GPNMB: variants seen among roughly 807,000 people sequenced by gnomAD.
GPNMB encodes transmembrane glycoprotein NMB.
A neutral mutation model predicts 57.3 loss-of-function variants in GPNMB; 71 were observed. The ratio of observed to expected loss-of-function variants is 1.24; its 90% CI spans 1.02 to 1.51. The LOEUF (loss-of-function observed/expected upper bound fraction) is 1.51. Ranked by LOEUF, GPNMB falls within the 40% of genes most tolerant of loss-of-function variation. The pLI, the probability that GPNMB is intolerant of heterozygous loss-of-function variation, is 0.00. For missense variants in GPNMB, 677 were observed against 691.9 expected, an observed-to-expected ratio of 0.98 and a Z score of 0.24; for synonymous variants, 253 against 263.2, an observed-to-expected ratio of 0.96 and a Z score of 0.38.
At chr7:23,261,044 C>A (rs1458884511) in intron 6 of GPNMB, among the ~76,000 whole-genome samples, 2 of 152,132 alleles carry the variant, frequency 1.3e-5, no homozygotes, top group Non-Finnish European at 2.9e-5. Context: ...CTGGTCCCTG[C>A]TATGTGTACA....
At chr7:23,253,151 G>A (rs1782696306) in intron 1 of GPNMB, among the ~76,000 whole-genome samples, 156 bp from the exon 2 acceptor site, 2 of 152,152 alleles carry the variant, frequency 1.3e-5, no homozygotes, top group African/African-American at 4.8e-5. Flanking sequence ...GGTATTTCCA[G>A]GAGACTTCCT....
chr7:23,260,706 T>G lies in GPNMB; in HGVS notation c.951T>G (p.Ala317=). ...TCAGCCTTAACCTCACTGTGAAAGC[T>G]GCAGCACCAGGACCTTGTCCGCCAC... The part of the protein sequence containing the change: ...GTFSLNLTVK[A]AAPGPCPPPP... Residue 317 remains alanine (A), a synonymous_variant, in exon 6 of 11, where the codon GCT becomes GCG. Transcript: ENST00000258733. 1 of 1,608,466 alleles carries G rather than the reference T, an allele frequency of 6.2e-7. No individual in the cohort carries two copies. Among genetic ancestry groups the G allele is most frequent in the Non-Finnish European group, 8.5e-7 (1 of 1,176,040 alleles).
intron 6 of GPNMB, 88 bp downstream of exon 6, chr7:23,260,861 G>A (rs1415310493): frequency 8.3e-6 from 9 of 1,085,890 alleles, no homozygotes; most frequent in South Asian, 3.7e-5. Context: ...CCTCCTTAAG[G>A]GGATATTGTA....
intron 5 of GPNMB, 56 bp downstream of exon 5, chr7:23,260,194 G>A: frequency 6.3e-7 from 1 of 1,580,346 alleles, no homozygotes; most frequent in Non-Finnish European, 8.7e-7. Context: ...TGACGTCAAT[G>A]GGTTAAAAAA....
intron 6 of GPNMB, among the ~76,000 whole-genome samples, chr7:23,263,675 G>A (rs1281333161): frequency 2.7e-5 from 4 of 149,992 alleles, no homozygotes; most frequent in African/African-American, 7.4e-5. Flanking sequence ...GTTTTATTGC[G>A]AAGGAAAGCT....
At chr7:23,261,905 A>T (rs1782934233) in intron 6 of GPNMB, among the ~76,000 whole-genome samples, 1 of 152,202 alleles carries the variant, frequency 6.6e-6, no homozygotes, top group Non-Finnish European at 1.5e-5. Flanking sequence ...CACTTTGGGT[A>T]GCACTGGCTT....
At chr7:23,248,422 A>C (rs1287375605) in intron 1 of GPNMB, among the ~76,000 whole-genome samples, 1 of 152,236 alleles carries the variant, frequency 6.6e-6, no homozygotes, top group African/African-American at 2.4e-5. Context: ...AGGAGTCCTC[A>C]GCCTCTTGGG....
chr7:23,257,961 GA>G (rs1209133339), intron 4 of GPNMB: 2 of 152,056 alleles, frequency 1.3e-5, no homozygotes, highest in South Asian at 2.1e-4. Flanking sequence ...TTGATGATAT[GA>G]TTTTTTTAAT....
chr7:23,252,701 C>G (rs953762617), intron 1 of GPNMB, among the ~76,000 whole-genome samples: 2 of 152,054 alleles, frequency 1.3e-5, no homozygotes, highest in Non-Finnish European at 2.9e-5. Context: ...ACTCAAATAA[C>G]AAGTAGAAAA....
chr7:23,260,747 G>C lies in GPNMB; in HGVS notation c.992G>C (p.Arg331Thr), dbSNP rs757819921. Residue 331 changes from arginine (R) to threonine (T), a missense_variant, in exon 6 of 11, where the codon AGA becomes ACA. Physicochemically the swap from Arg to Thr is moderately conservative, Grantham distance 71. Coordinates refer to ENST00000258733, the MANE Select transcript of GPNMB (RefSeq NM_002510.3). ...GPCPPPPPPP[R>T]PSKPTPSLGP... ...TGTCCGCCACCGCCACCACCACCCAGACCTTCAAAACCCACCCCTTCTTTA... is the reference window on the plus strand; with the variant it reads ...TGTCCGCCACCGCCACCACCACCCACACCTTCAAAACCCACCCCTTCTTTA... 2 of 1,569,810 alleles carry C rather than the reference G, an allele frequency of 1.3e-6. No individual in the cohort carries two copies. The highest frequency in any genetic ancestry group is 1.7e-6 in the Non-Finnish European group (2 of 1,157,126).
chr7:23,259,030 G>C (rs1269398625), intron 4 of GPNMB, among the ~76,000 whole-genome samples: 1 of 152,196 alleles, frequency 6.6e-6, no homozygotes, highest in African/African-American at 2.4e-5. Context: ...AAATGTCCTT[G>C]AGCCCTGAAG....
intron 9 of GPNMB, 90 bp from the exon 10 acceptor site, chr7:23,273,431 G>A (rs1474016906): frequency 1.6e-5 from 13 of 794,652 alleles, no homozygotes; most frequent in Non-Finnish European, 6.5e-6. Context: ...CTTCTGTGAC[G>A]GCTCCCTTCC....
Position 23,274,154 on chromosome 7 carries a change from C to A in GPNMB, c.1613C>A (p.Ala538Asp). Residue 538 changes from alanine (A) to aspartate (D), a missense_variant, in exon 11 of 11, where the codon GCC becomes GAC. Coordinates refer to ENST00000258733, the MANE Select transcript of GPNMB (RefSeq NM_002510.3). ...AGTGTCTTTCTCAACCGTGCAAAAGCCGTGTTCTTCCCGGGAAACCAGGAA... is the reference window on the plus strand; with the variant it reads ...AGTGTCTTTCTCAACCGTGCAAAAGACGTGTTCTTCCCGGGAAACCAGGAA... ...GLSVFLNRAK[A>D]VFFPGNQEKD... 1 of 1,613,792 alleles carries A rather than the reference C, an allele frequency of 6.2e-7. No individual in the cohort carries two copies. The highest frequency in any genetic ancestry group is 1.3e-5 in the African/African-American group (1 of 75,012).
Position 23,253,463 on chromosome 7 carries a change from A to T in GPNMB, c.223+4A>T, listed in dbSNP as rs2128481281. The T allele has an allele frequency of 3.1e-6, 5 of 1,612,660 alleles. No homozygotes were observed. The South Asian group carries it at 5.5e-5, about 18-fold the overall frequency. ...AGGTGGAAAAACTCCTGGAAGGGTA[A>T]GTCAAAAGATTCAAACCAAACACCT... is the stretch of plus-strand genomic sequence containing the variant. On this transcript the variant is annotated splice_donor_region_variant and intron_variant, in intron 2 of 10. Coordinates refer to ENST00000258733, the MANE Select transcript of GPNMB (RefSeq NM_002510.3).
At chr7:23,253,794 G>T (rs2128481362) in intron 2 of GPNMB, among the ~76,000 whole-genome samples, 1 of 152,228 alleles carries the variant, frequency 6.6e-6, no homozygotes, top group African/African-American at 2.4e-5. Flanking sequence ...CTGTCTCAAA[G>T]GTGTGGCTTA....
At chr7:23,270,429 T>C (rs1783174838) in intron 9 of GPNMB, among the ~76,000 whole-genome samples, 2 of 152,206 alleles carry the variant, frequency 1.3e-5, no homozygotes, top group Non-Finnish European at 2.9e-5. Flanking sequence ...GCTGTGATCA[T>C]GGACCAGTAA....
At chr7:23,273,295 C>T (rs928503120) in intron 9 of GPNMB, 6 of 490,760 alleles carry the variant, frequency 1.2e-5, no homozygotes, top group African/African-American at 2.0e-5. Context: ...TGACATCTCT[C>T]CCCCGCGCCC....
chr7:23,262,608 C>CTTTTTTTTTTTTTTTTTTT (rs58011121), intron 6 of GPNMB, among the ~76,000 whole-genome samples: 1 of 62,800 alleles, frequency 1.6e-5, no homozygotes, highest in Non-Finnish European at 2.8e-5. Context: ...TCACCATTCT[C>CTTTTTTTTTTTTTTTTTTT]TTTTTTTTTT....
At chr7:23,266,229 A>G (rs377561334) in intron 6 of GPNMB, 107 of 366,188 alleles carry the variant, frequency 2.9e-4, no homozygotes, top group East Asian at 7.2e-4. Flanking sequence ...GATTACAGGC[A>G]TGAGCCACTG....
Sources: gnomAD v4.1 joint callset for allele counts (sites outside exome capture counted in the v4.1 genomes callset) on GRCh38, gnomAD v4.1.1 for gene constraint, MANE v1.5 for transcripts, NCBI Gene and HGNC (gene_info 2026-07-23, HGNC 2026-07-21) for gene names.